Variants in SSH2 observed in about 807,000 individuals in gnomAD.
The protein encoded by SSH2 is protein phosphatase Slingshot homolog 2.
Under a neutral mutation model 135.2 loss-of-function variants are expected in SSH2, and 37 were observed. The observed-to-expected ratio is 0.27, with a 90% confidence interval of 0.21 to 0.36. The LOEUF (loss-of-function observed/expected upper bound fraction) is 0.36, where lower values mean the gene tolerates loss of function less well. Ranked by LOEUF, SSH2 falls within the 10% of genes least tolerant of loss-of-function variation. The probability of loss-of-function intolerance (pLI) is 1.00; values close to 1 mark genes in which losing one functional copy is unlikely to be tolerated. For synonymous variants in SSH2, 628 were observed against 646.2 expected, an observed-to-expected ratio of 0.97 and a Z score of 0.43; for missense variants, 1,408 against 1,765.3, an observed-to-expected ratio of 0.80 and a Z score of 3.63.
At chr17:29,883,993 T>C (rs1483403614) in intron 1 of SSH2, among the ~76,000 whole-genome samples, 2 of 152,178 alleles carry the variant, frequency 1.3e-5, no homozygotes, top group East Asian at 3.8e-4. Flanking sequence ...CATATATATA[T>C]GATGAGTGAG....
At chr17:29,780,073 C>G (rs906668076) in intron 3 of SSH2, among the ~76,000 whole-genome samples, 1 of 151,658 alleles carries the variant, frequency 6.6e-6, no homozygotes, top group Non-Finnish European at 1.5e-5. Flanking sequence ...AAAAATTAGC[C>G]GGGCATGATG....
intron 2 of SSH2, among the ~76,000 whole-genome samples, chr17:29,839,580 T>C (rs1019948214): frequency 7.9e-5 from 12 of 152,210 alleles, no homozygotes; most frequent in Non-Finnish European, 1.5e-4. Context: ...TTTCTGAGAA[T>C]TGTGATTTTC....
chr17:29,639,435 C>G (rs972582455), intron 14 of SSH2, among the ~76,000 whole-genome samples: 1 of 151,844 alleles, frequency 6.6e-6, no homozygotes, highest in Non-Finnish European at 1.5e-5. Flanking sequence ...CCCTGGGCTC[C>G]GGGCCACGCC....
chr17:29,783,319 TATATA>T (rs1336866657), intron 3 of SSH2, among the ~76,000 whole-genome samples: 9 of 37,332 alleles, frequency 2.4e-4, no homozygotes, highest in Non-Finnish European at 4.2e-4. Flanking sequence ...TAACATATAT[TATATA>T]TATATATATA....
chr17:29,816,083 A>T (rs1268327564), intron 2 of SSH2, among the ~76,000 whole-genome samples: 1 of 152,066 alleles, frequency 6.6e-6, no homozygotes, highest in African/African-American at 2.4e-5. Flanking sequence ...TCCTGGCCTC[A>T]AGTGATCCAC....
At chr17:29,837,786 G>A (rs867132180) in intron 2 of SSH2, among the ~76,000 whole-genome samples, 8 of 152,248 alleles carry the variant, frequency 5.3e-5, no homozygotes, top group Admixed American at 1.3e-4. Context: ...CATCTTGCCC[G>A]CTGCCACTGT....
rs11412443 is a variant in SSH2 at position 29,797,125 on chromosome 17, G to GTT, written c.145-3190_145-3189dup. ...AGGCATGAGCCACCACACCTGGCCAGTTTTTTTTTTTTAAGGTAAAATTTA... is the reference window on the plus strand; with the variant it reads ...AGGCATGAGCCACCACACCTGGCCAGTTTTTTTTTTTTTTAAGGTAAAATTTA... On this transcript the variant is annotated intron_variant, in intron 2 of 15. Transcript: ENST00000540801. 1.5e-3 allele frequency among the ~76,000 whole-genome samples: 229 copies of GTT among 148,248 alleles called. 2 individuals are homozygous for GTT. In the South Asian group the frequency reaches 0.016, roughly 11 times the overall value.
chr17:29,853,593 C>A (rs1476833259), intron 1 of SSH2, among the ~76,000 whole-genome samples: 1 of 151,820 alleles, frequency 6.6e-6, no homozygotes, highest in Non-Finnish European at 1.5e-5. Context: ...AGGGCAAAGT[C>A]AAACTCATAT....
chr17:29,632,342 A>G lies in SSH2; in HGVS notation c.2852T>C (p.Val951Ala). Residue 951 changes from valine (V) to alanine (A), a missense_variant, in exon 16 of 16, where the codon GTC becomes GCC. Coordinates refer to ENST00000540801, the MANE Select transcript of SSH2 (RefSeq NM_001282129.2). ...SDEAPPEHSF[V>A]LKEPEMSKGK... ...TTTGCTCATTTCTGGTTCCTTGAGG[A>G]CAAATGAATGTTCTGGGGGGGCTTC... 1 of 1,613,962 alleles carries G rather than the reference A, an allele frequency of 6.2e-7. No homozygotes were observed. The highest frequency in any genetic ancestry group is 1.1e-5 in the South Asian group (1 of 91,080).
At chr17:29,763,064 A>G (rs1377324196) in intron 3 of SSH2, among the ~76,000 whole-genome samples, 2 of 152,156 alleles carry the variant, frequency 1.3e-5, no homozygotes, top group Non-Finnish European at 2.9e-5. Flanking sequence ...AAGTTTGGCA[A>G]TTTTCAAGAT....
At chr17:29,910,270 A>G (rs758213702) in intron 1 of SSH2, among the ~76,000 whole-genome samples, 5 of 152,010 alleles carry the variant, frequency 3.3e-5, no homozygotes, top group Non-Finnish European at 5.9e-5. Context: ...TTACTTTTAA[A>G]TGTTGGATCC....
intron 3 of SSH2, among the ~76,000 whole-genome samples, chr17:29,746,784 G>T (rs1567942668): frequency 6.6e-6 from 1 of 152,064 alleles, no homozygotes; most frequent in Non-Finnish European, 1.5e-5. Flanking sequence ...CCCTCATGGA[G>T]ACTAACTGGT....
At chr17:29,850,933 C>T (rs2065544605) in intron 1 of SSH2, among the ~76,000 whole-genome samples, 1 of 151,850 alleles carries the variant, frequency 6.6e-6, no homozygotes, top group Non-Finnish European at 1.5e-5. Context: ...TGCAGTGAGC[C>T]GAGATCGCGC....
chr17:29,667,053 A>C, intron 10 of SSH2, 58 bp from the exon 11 acceptor site: 1 of 1,611,282 alleles, frequency 6.2e-7, no homozygotes, highest in Non-Finnish European at 8.5e-7. Context: ...ACTTTCAACC[A>C]TGCACTATTT....
At chr17:29,801,329 A>G (rs1223132771) in intron 2 of SSH2, among the ~76,000 whole-genome samples, 2 of 152,208 alleles carry the variant, frequency 1.3e-5, no homozygotes, top group Middle Eastern at 3.2e-3. Flanking sequence ...AGCCTTGAAC[A>G]CTGGGCTAGC....
Position 29,930,140 on chromosome 17 carries a change from C to T in SSH2, c.-140G>A, listed in dbSNP as rs1223748076. ...GAGGAGGAGGAGGCCGCGGGAACGG[C>T]CGCAGACTCCGCACCCACCACCAGA... On this transcript the variant is annotated 5_prime_UTR_variant, in exon 1 of 16. Coordinates refer to ENST00000540801, the MANE Select transcript of SSH2 (RefSeq NM_001282129.2). 5.4e-6 allele frequency: 4 copies of T among 747,324 alleles called. No homozygotes were observed. The highest frequency in any genetic ancestry group is 8.6e-6 in the Non-Finnish European group (4 of 463,466). The allele number at this position is 747,324 out of a possible 1,614,324, so 46.3% of individuals were successfully genotyped here.
intron 1 of SSH2, among the ~76,000 whole-genome samples, chr17:29,897,772 G>A (rs1035336573): frequency 1.3e-5 from 2 of 152,158 alleles, no homozygotes; most frequent in African/African-American, 4.8e-5. Flanking sequence ...TCTGCACCAA[G>A]TGGACCTAAT....
chr17:29,865,712 G>A (rs1001764126), intron 1 of SSH2, among the ~76,000 whole-genome samples: 3 of 152,086 alleles, frequency 2.0e-5, no homozygotes, highest in Admixed American at 6.6e-5. Context: ...AAATAGCAAT[G>A]GAACCTGAAA....
intron 1 of SSH2, among the ~76,000 whole-genome samples, chr17:29,863,067 GT>G (rs113483873): frequency 2.7e-5 from 4 of 149,240 alleles, no homozygotes; most frequent in Non-Finnish European, 6.0e-5. Context: ...AAAAAGGATT[GT>G]TTTTTTTTTA....
Sources: gnomAD v4.1 joint callset for allele counts (sites outside exome capture counted in the v4.1 genomes callset) on GRCh38, gnomAD v4.1.1 for gene constraint, MANE v1.5 for transcripts, NCBI Gene and HGNC (gene_info 2026-07-23, HGNC 2026-07-21) for gene names.